FARS2: variants seen among roughly 807,000 people sequenced by gnomAD.
FARS2 encodes the protein phenylalanine--tRNA ligase, mitochondrial.
FARS2 carries 40 observed loss-of-function variants against 46.4 expected under a neutral mutation model. The observed-to-expected ratio is 0.86, with a 90% confidence interval of 0.67 to 1.12. The LOEUF (loss-of-function observed/expected upper bound fraction) is 1.12, where lower values mean the gene tolerates loss of function less well. FARS2 is among the 50% of genes most tolerant of loss of function. The pLI, the probability that FARS2 is intolerant of heterozygous loss-of-function variation, is 0.00. For synonymous variants in FARS2, 234 were observed against 214.9 expected (o/e 1.09, Z -0.78); for missense variants, 513 against 567.9 (o/e 0.90, Z 0.98).
At chr6:5,469,387 C>T (rs1049559514) in intron 4 of FARS2, among the ~76,000 whole-genome samples, 1 of 152,234 alleles carries the variant, frequency 6.6e-6, no homozygotes, top group Non-Finnish European at 1.5e-5. Context: ...GCTGTGTGTC[C>T]TTCAGCGGGT....
At chr6:5,265,845 G>A (rs1765515309) in intron 1 of FARS2, among the ~76,000 whole-genome samples, 1 of 152,162 alleles carries the variant, frequency 6.6e-6, no homozygotes, top group Non-Finnish European at 1.5e-5. Flanking sequence ...CTCAGTGCAA[G>A]GAGAGGTCAC....
At chr6:5,611,988 C>T (rs559199262) in intron 5 of FARS2, among the ~76,000 whole-genome samples, 1 of 152,324 alleles carries the variant, frequency 6.6e-6, no homozygotes, top group Admixed American at 6.5e-5. Flanking sequence ...CACCAAACTC[C>T]TGTCATCTAT....
chr6:5,732,733 G>T (rs1423561154), intron 6 of FARS2, among the ~76,000 whole-genome samples: 1 of 151,880 alleles, frequency 6.6e-6, no homozygotes, highest in Non-Finnish European at 1.5e-5. Context: ...CGAGCTCCTG[G>T]ACAGCTCCTA....
intron 1 of FARS2, among the ~76,000 whole-genome samples, chr6:5,355,062 T>G (rs1165377589): frequency 6.6e-6 from 1 of 152,174 alleles, no homozygotes; most frequent in African/African-American, 2.4e-5. Flanking sequence ...ACATAACTTG[T>G]GTGTAAAACG....
chr6:5,447,023 G>T (rs561825095), intron 4 of FARS2, among the ~76,000 whole-genome samples: 3 of 152,320 alleles, frequency 2.0e-5, no homozygotes, highest in Admixed American at 2.0e-4. Flanking sequence ...GAAGGGCTAC[G>T]AATGCAAAAT....
At chr6:5,644,572 T>G (rs1776984318) in intron 6 of FARS2, among the ~76,000 whole-genome samples, 1 of 152,054 alleles carries the variant, frequency 6.6e-6, no homozygotes, top group Non-Finnish European at 1.5e-5. Flanking sequence ...AGATCTACTC[T>G]CATGACCTTA....
rs1763050900 is a variant in FARS2, at chr6:5,771,569, C to T, written c.*140C>T. On this transcript the variant is annotated 3_prime_UTR_variant, in exon 7 of 7. Coordinates refer to ENST00000274680, the MANE Select transcript of FARS2 (RefSeq NM_006567.5). ...TTAGGACTTTCAGAAAATAAAAGATCGCTCTTGAAAAGCTGTTGACATAGC... is the reference window on the plus strand; with the variant it reads ...TTAGGACTTTCAGAAAATAAAAGATTGCTCTTGAAAAGCTGTTGACATAGC... The T allele has an allele frequency of 4.3e-6, 4 of 921,544 alleles. No homozygotes were observed. Among genetic ancestry groups the T allele is most frequent in the Admixed American group, 3.1e-5 (1 of 32,148 alleles). 57.1% of individuals were successfully genotyped at this position (921,544 alleles called of 1,614,324 possible). A position where few individuals can be genotyped will look rare whatever the true frequency, so the allele number is the denominator to read the frequency against.
intron 2 of FARS2, among the ~76,000 whole-genome samples, chr6:5,377,246 C>T (rs1398474480): frequency 2.0e-5 from 3 of 152,178 alleles, no homozygotes; most frequent in South Asian, 2.1e-4. Context: ...TCCCACTCTC[C>T]CTGGTGGCAC....
chr6:5,428,208 C>T (rs572362986), intron 3 of FARS2, among the ~76,000 whole-genome samples: 10 of 152,264 alleles, frequency 6.6e-5, no homozygotes, highest in African/African-American at 2.2e-4. Context: ...AAATGTCTTC[C>T]TCTTGGACTA....
intron 6 of FARS2, among the ~76,000 whole-genome samples, chr6:5,730,453 G>A (rs6933902): frequency 0.054 from 8,286 of 152,200 alleles, 749 homozygotes; most frequent in African/African-American, 0.19. Flanking sequence ...TTTGGTCACA[G>A]GGAAGATCAC....
rs143820434 is a variant in FARS2 at position 5,572,473 on chromosome 6, C to T, written c.1065+27133C>T. Among the ~76,000 whole-genome samples the T allele has an allele frequency of 1.5e-3, 230 of 152,134 alleles. 2 individuals carry two copies. Among genetic ancestry groups the T allele is most frequent in the African/African-American group, 4.7e-3 (197 of 41,494 alleles). On this transcript the variant is annotated intron_variant, in intron 5 of 6. Transcript: ENST00000274680. Reference sequence around the variant, plus strand: ...GATGCAATTCAGCATGAGATTTGGGCGGGGACAAATATCTAAACTATATCA... The same window carrying T: ...GATGCAATTCAGCATGAGATTTGGGTGGGGACAAATATCTAAACTATATCA...
intron 6 of FARS2, among the ~76,000 whole-genome samples, chr6:5,737,366 A>C (rs1464288853): frequency 1.3e-5 from 2 of 152,216 alleles, no homozygotes; most frequent in Non-Finnish European, 2.9e-5. Flanking sequence ...CCCCGTCTCC[A>C]CTAAAAATAC....
intron 5 of FARS2, among the ~76,000 whole-genome samples, chr6:5,570,115 G>T (rs897648394): frequency 6.6e-6 from 1 of 152,148 alleles, no homozygotes; most frequent in African/African-American, 2.4e-5. Flanking sequence ...TTAAGCTTTT[G>T]GAGGTCTGTT....
intron 6 of FARS2, among the ~76,000 whole-genome samples, chr6:5,692,234 G>A (rs192285286): frequency 2.6e-5 from 4 of 152,294 alleles, no homozygotes; most frequent in South Asian, 2.1e-4. Context: ...AGATGAACCC[G>A]GTACCTCAGT....
At chr6:5,443,218 A>G (rs1471671617) in intron 4 of FARS2, among the ~76,000 whole-genome samples, 1 of 152,238 alleles carries the variant, frequency 6.6e-6, no homozygotes, top group African/African-American at 2.4e-5. Flanking sequence ...TCTAACCATT[A>G]GCTTTTTACA....
At position 5,576,152 on chromosome 6, in the gene FARS2, C is replaced by T. The variant is rs569594631; in HGVS notation, c.1065+30812C>T. On this transcript the variant is annotated intron_variant, in intron 5 of 6. Coordinates refer to ENST00000274680, the MANE Select transcript of FARS2 (RefSeq NM_006567.5). The stretch of plus-strand genomic sequence containing the variant: ...TGTTTTCTGTAAGGTATTTATAATT[C>T]TGATGGTTAATACTGATTGTCAACT... 2.7e-4 allele frequency among the ~76,000 whole-genome samples: 41 copies of T among 152,220 alleles called. 1 individual carries two copies. Among genetic ancestry groups the T allele is most frequent in the African/African-American group, 8.7e-4 (36 of 41,522 alleles).
intron 1 of FARS2, among the ~76,000 whole-genome samples, chr6:5,304,044 C>T (rs1768518572): frequency 6.6e-6 from 1 of 152,040 alleles, no homozygotes; most frequent in Non-Finnish European, 1.5e-5. Flanking sequence ...TCTGGTGTGG[C>T]TCTGTATCCT....
chr6:5,742,897 TCAGGAAATGGGCTCC>T (rs1187928529), intron 6 of FARS2, among the ~76,000 whole-genome samples: 10 of 151,930 alleles, frequency 6.6e-5, no homozygotes, highest in Admixed American at 6.6e-5. Flanking sequence ...AAATGGGTTC[TCAGGAAATGGGCTCC>T]CAGGAAATGG....
intron 6 of FARS2, among the ~76,000 whole-genome samples, chr6:5,663,933 G>A (rs1451570195): frequency 1.3e-5 from 2 of 152,180 alleles, no homozygotes; most frequent in Admixed American, 6.5e-5. Context: ...ATGGATGCAC[G>A]CTGGCCAGGG....
Sources: gnomAD v4.1 joint callset for allele counts (sites outside exome capture counted in the v4.1 genomes callset) on GRCh38, gnomAD v4.1.1 for gene constraint, MANE v1.5 for transcripts, NCBI Gene and HGNC (gene_info 2026-07-23, HGNC 2026-07-21) for gene names.